The following RBFOX2 variants were observed in gnomAD, a reference collection of about 807,000 sequenced individuals.
RBFOX2 encodes the protein RNA binding protein fox-1 homolog 2.
RBFOX2 carries 10 observed loss-of-function variants against 49.1 expected under a neutral mutation model. That is an observed-to-expected ratio of 0.20 (90% CI 0.13 to 0.35). The LOEUF is 0.35. RBFOX2 is among the 10% of genes least tolerant of loss of function. RBFOX2 has a pLI of 1.00. For missense variants in RBFOX2, 323 were observed against 486.9 expected (o/e 0.66, Z 3.17); for synonymous variants, 183 against 187.4 (o/e 0.98, Z 0.19).
At chr22:35,761,392 G>T (rs1450888772) in intron 7 of RBFOX2, 23 bp downstream of exon 8, 4 of 1,613,460 alleles carry the variant, frequency 2.5e-6, no homozygotes, top group Non-Finnish European at 3.4e-6. Flanking sequence ...TAGCACAAGT[G>T]GAAACATTTA....
At chr22:35,926,540 G>T (rs1180308358) in intron 1 of RBFOX2, among the ~76,000 whole-genome samples, 1 of 152,090 alleles carries the variant, frequency 6.6e-6, no homozygotes, top group South Asian at 2.1e-4. Context: ...TAAGCAACTG[G>T]GTCATGAGTG....
chr22:35,788,792 A>C (rs1770172093), intron 2 of RBFOX2, among the ~76,000 whole-genome samples: 1 of 152,136 alleles, frequency 6.6e-6, no homozygotes, highest in South Asian at 2.1e-4. Flanking sequence ...TTTCATTTTC[A>C]CCTACTTTGT....
chr22:35,758,447 T>C (rs1279210105), intron 9 of RBFOX2, among the ~76,000 whole-genome samples: 1 of 152,210 alleles, frequency 6.6e-6, no homozygotes, highest in Non-Finnish European at 1.5e-5. Flanking sequence ...TCTCTTGGAT[T>C]ACAACGGAAG....
intron 1 of RBFOX2, among the ~76,000 whole-genome samples, chr22:35,931,903 G>A (rs6000039): frequency 6.6e-6 from 1 of 152,256 alleles, no homozygotes; most frequent in East Asian, 1.9e-4. Flanking sequence ...ATCAATTTTG[G>A]TCAATCGTTA....
chr22:35,922,907 C>A (rs2051185569), intron 1 of RBFOX2, among the ~76,000 whole-genome samples: 3 of 152,088 alleles, frequency 2.0e-5, no homozygotes. Flanking sequence ...AGAAAGTTTG[C>A]CCCCTCCTGT....
intron 1 of RBFOX2, among the ~76,000 whole-genome samples, chr22:35,819,638 A>C (rs996288627): frequency 6.6e-6 from 1 of 152,226 alleles, no homozygotes; most frequent in Non-Finnish European, 1.5e-5. Context: ...TCTTGCCATC[A>C]AATATTTATT....
chr22:35,758,356 AAAGT>A, intron 9 of RBFOX2, among the ~76,000 whole-genome samples: 1 of 152,352 alleles, frequency 6.6e-6, no homozygotes, highest in African/African-American at 2.4e-5. Flanking sequence ...ACCACTTTAT[AAAGT>A]AATTCAGCAA....
intron 1 of RBFOX2, among the ~76,000 whole-genome samples, chr22:35,911,220 T>C (rs1233589898): frequency 6.6e-6 from 1 of 152,290 alleles, no homozygotes; most frequent in East Asian, 1.9e-4. Context: ...TAAGCTACTA[T>C]GGGTTGGGGG....
At chr22:35,754,098 T>TC (rs1459857902) in intron 9 of RBFOX2, among the ~76,000 whole-genome samples, 1 of 147,552 alleles carries the variant, frequency 6.8e-6, no homozygotes. Flanking sequence ...AGGCAAGTCT[T>TC]TTTTTTTTTT....
chr22:36,014,566 C>T (rs1343678742), intron 1 of RBFOX2, among the ~76,000 whole-genome samples: 1 of 152,092 alleles, frequency 6.6e-6, no homozygotes, highest in Non-Finnish European at 1.5e-5. Flanking sequence ...GCTTCTAACA[C>T]TGCAAAAAAT....
At position 35,972,046 on chromosome 22, in the gene RBFOX2, C is replaced by T. The variant is rs564553183; in HGVS notation, c.187-33149G>A. 2.4e-4 allele frequency among the ~76,000 whole-genome samples: 37 copies of T among 151,980 alleles called. No individual in the cohort carries two copies. In the East Asian group the frequency reaches 4.8e-3, roughly 20 times the overall value. ...CACCCTTCGGAACATATTTCTCCCA[C>T]TGCCCTTCTGGGGTCACCACTAACA... On this transcript the variant is annotated intron_variant, in intron 1 of 13. Coordinates refer to the RBFOX2 transcript ENST00000438146.
chr22:35,828,061 T>G (rs1956107917), intron 1 of RBFOX2, among the ~76,000 whole-genome samples: 1 of 150,790 alleles, frequency 6.6e-6, no homozygotes, highest in Non-Finnish European at 1.5e-5. Flanking sequence ...CTTGGGAGGC[T>G]GAGGCAGGAG....
intron 1 of RBFOX2, among the ~76,000 whole-genome samples, chr22:35,908,429 T>G (rs1172975945): frequency 6.6e-6 from 1 of 152,210 alleles, no homozygotes; most frequent in East Asian, 1.9e-4. Flanking sequence ...TAGGTTACAG[T>G]TGGGTAAAAT....
intron 1 of RBFOX2, among the ~76,000 whole-genome samples, chr22:36,004,135 C>T (rs952311537): frequency 2.6e-5 from 4 of 152,136 alleles, no homozygotes; most frequent in Non-Finnish European, 4.4e-5. Context: ...CCCACTTATA[C>T]ATCATTCTTT....
At chr22:35,892,839 T>G (rs1055155604) in intron 1 of RBFOX2, among the ~76,000 whole-genome samples, 1 of 152,230 alleles carries the variant, frequency 6.6e-6, no homozygotes, top group African/African-American at 2.4e-5. Context: ...AGTCTCAGAA[T>G]AGTTATATGA....
At chr22:36,012,180 A>C (rs1207632298) in intron 1 of RBFOX2, among the ~76,000 whole-genome samples, 2 of 152,228 alleles carry the variant, frequency 1.3e-5, no homozygotes, top group African/African-American at 4.8e-5. Flanking sequence ...AAATGTTTTC[A>C]ATATTAAATA....
intron 2 of RBFOX2, among the ~76,000 whole-genome samples, chr22:35,801,803 T>C (rs1263604917): frequency 6.6e-6 from 1 of 152,052 alleles, no homozygotes; most frequent in Non-Finnish European, 1.5e-5. Flanking sequence ...CCAGCCTGGG[T>C]GACACAGTGA....
intron 1 of RBFOX2, among the ~76,000 whole-genome samples, chr22:35,972,107 G>C (rs975254311): frequency 3.3e-5 from 5 of 151,852 alleles, no homozygotes; most frequent in Non-Finnish European, 1.5e-5. Context: ...CATTCAGAGA[G>C]CTAGCATCCT....
intron 1 of RBFOX2, among the ~76,000 whole-genome samples, chr22:35,895,048 TCCTCCCTCTCAC>T (rs1233443728): frequency 1.3e-5 from 2 of 151,046 alleles, no homozygotes; most frequent in Non-Finnish European, 3.0e-5. Flanking sequence ...TTGTTCTCTC[TCCTCCCTCTCAC>T]CCTCCCTCCG....
Sources: gnomAD v4.1 joint callset for allele counts (sites outside exome capture counted in the v4.1 genomes callset) on GRCh38, gnomAD v4.1.1 for gene constraint, MANE v1.5 for transcripts, NCBI Gene and HGNC (gene_info 2026-07-23, HGNC 2026-07-21) for gene names.